The following SRA1 variants were observed in gnomAD, a reference collection of about 807,000 sequenced individuals.
SRA1 encodes the protein lncRNA SRA.
SRA1 carries 25 observed loss-of-function variants against 24.3 expected under a neutral mutation model. The observed-to-expected ratio is 1.03, with a 90% CI of 0.75 to 1.43. The LOEUF (loss-of-function observed/expected upper bound fraction) is 1.43, where lower values mean the gene tolerates loss of function less well. Ranked by LOEUF, SRA1 falls within the 40% of genes most tolerant of loss-of-function variation. The pLI, the probability that SRA1 is intolerant of heterozygous loss-of-function variation, is 0.00. For missense variants in SRA1, 303 were observed against 286.6 expected (o/e 1.06, Z -0.41); for synonymous variants, 104 against 109.5 (o/e 0.95, Z 0.31).
intron 2 of SRA1, among the ~76,000 whole-genome samples, chr5:140,554,563 CTCTTG>C (rs1754642022): frequency 6.7e-6 from 1 of 149,988 alleles, no homozygotes; most frequent in African/African-American, 2.4e-5. Flanking sequence ...ATCCTAGCCT[CTCTTG>C]TCTTCTCTAG....
intron 4 of SRA1, 66 bp downstream of exon 4, chr5:140,550,994 AC>A: frequency 3.2e-6 from 5 of 1,576,808 alleles, no homozygotes; most frequent in Non-Finnish European, 4.4e-6. Flanking sequence ...AAATCTCAGC[AC>A]CTGCTCCAGC....
In SRA1 at chr5:140,551,133, G is replaced by A. The variant is rs1754548021; in HGVS notation, c.391C>T (p.Leu131=). 1 of 1,614,066 alleles carries A rather than the reference G, an allele frequency of 6.2e-7. No individual in the cohort carries two copies. Among genetic ancestry groups the A allele is most frequent in the African/African-American group, 1.3e-5 (1 of 74,916 alleles). The stretch of plus-strand genomic sequence containing the variant: ...CCTCCAGCCCACTGTTCCTGCAGCA[G>A]TGCCAGGCGTCGGCTGATGTCATCA... ...VCDDISRRLA[L]LQEQWAGGKL... is the part of the protein sequence containing the mutation. The change falls in exon 4 of 5, where the codon CTG becomes TTG. Residue 131 remains leucine, a synonymous_variant. Transcript: ENST00000336283.
chr5:140,552,271 C>T (rs1404839967), intron 2 of SRA1, 87 bp from the exon 3 acceptor site: 1 of 988,974 alleles, frequency 1.0e-6, no homozygotes, highest in South Asian at 1.7e-5. Context: ...AAGGGCTACT[C>T]TCTGAGACAA....
chr5:140,551,237 G>A (rs1754552576), intron 3 of SRA1, 68 bp from the exon 4 acceptor site: 2 of 1,246,942 alleles, frequency 1.6e-6, no homozygotes, highest in African/African-American at 1.5e-5. Flanking sequence ...GGGGAAGACA[G>A]CACCACATAG....
At chr5:140,557,112 C>T (rs1282567430) in intron 2 of SRA1, 35 bp downstream of exon 2, 2 of 1,164,218 alleles carry the variant, frequency 1.7e-6, no homozygotes, top group Non-Finnish European at 1.2e-6. Context: ...CCCCCCCATT[C>T]TCCGTCTGTC....
rs548397006 is a variant in SRA1 at position 140,551,902 on chromosome 5, G to A, written c.354+80C>T. On this transcript the variant is annotated intron_variant, in intron 3 of 4. Transcript: ENST00000336283. ...GATTAAGAACCTGTCCACTGGGTCA[G>A]AGGGTCTATCTCTGGGAACCATTCC... is the stretch of plus-strand genomic sequence containing the variant. 5.0e-5 allele frequency: 66 copies of A among 1,325,048 alleles called. No individual in the cohort carries two copies. In the South Asian group the frequency reaches 7.9e-4, roughly 16 times the overall value. 82.1% of individuals were successfully genotyped at this position (1,325,048 alleles called of 1,614,324 possible).
intron 3 of SRA1, chr5:140,551,437 C>A: frequency 2.5e-6 from 1 of 397,644 alleles, no homozygotes. Context: ...GTCTTCCTAA[C>A]CCACCTCCTA....
In SRA1 at chr5:140,551,983, C is replaced by G. The variant is rs776684988; in HGVS notation, c.353G>C (p.Arg118Thr). 2 of 1,613,780 alleles carry G rather than the reference C, an allele frequency of 1.2e-6. No individual in the cohort carries two copies. Among genetic ancestry groups the G allele is most frequent in the Non-Finnish European group, 1.7e-6 (2 of 1,179,806 alleles). The change falls in exon 3 of 5, where the codon AGG becomes ACG. Residue 118 changes from arginine (R) to threonine (T), a missense_variant and splice_region_variant. Coordinates refer to ENST00000336283, the MANE Select transcript of SRA1 (RefSeq NM_001035235.4). ...QALEDCRGHT[R>T]KQVCDDISRR... is the part of the protein sequence containing the mutation. ...AACCTCTGATGTGCCAGAGCTTACC[C>G]TTGTGTGGCCACGGCAGTCTTCCAA...
Position 140,557,178 on chromosome 5 carries a change from C to T in SRA1, c.120G>A (p.Arg40=). The T allele has an allele frequency of 6.2e-7, 1 of 1,613,162 alleles. No individual in the cohort carries two copies. Among genetic ancestry groups the T allele is most frequent in the Non-Finnish European group, 8.5e-7 (1 of 1,179,868 alleles). ...GGPRRSLLTK[R]VAAPQDGSPR... ...GGGATCCATCCTGGGGTGCGGCGAC[C>T]CTCTTGGTAAGCAGCGAGCGCCTGG... Residue 40 remains arginine, a synonymous_variant, in exon 2 of 5, where the codon AGG becomes AGA. Coordinates refer to ENST00000336283, the MANE Select transcript of SRA1 (RefSeq NM_001035235.4).
intron 1 of SRA1, 39 bp from the exon 2 acceptor site, chr5:140,557,311 C>T (rs1259902547): frequency 4.4e-6 from 7 of 1,607,206 alleles, no homozygotes; most frequent in Admixed American, 1.7e-5. Flanking sequence ...GCCCGGAACT[C>T]CACTGTTAGC....
rs139144375 is a variant in SRA1 at position 140,552,081 on chromosome 5, G to A, written c.255C>T (p.Gly85=). 5.6e-6 allele frequency: 9 copies of A among 1,613,898 alleles called. No homozygotes were observed. Among genetic ancestry groups the A allele is most frequent in the South Asian group, 2.2e-5 (2 of 90,990 alleles). The change falls in exon 3 of 5, where the codon GGC becomes GGT. Residue 85 remains glycine (G), a synonymous_variant. Transcript: ENST00000336283. ...SPPVGSGPAS[G]VEPTSFPVES... ...CGACTGGGAAACTTGTGGGCTCCAC[G>A]CCAGAGGCAGGACCACTCCCCACAG...
rs1754530747 is a variant in SRA1, at chr5:140,550,789, G to C, written c.586C>G (p.Leu196Val). ...TCATTGGCTGCCTCCTCTGAAAACA[G>C]ACTCCTCTTTTCTGCAATTAATCTT... ...VKRLIAEKRS[L>V]FSEEAANEEK... Residue 196 changes from leucine to valine, a missense_variant, in exon 5 of 5, where the codon CTG becomes GTG. Transcript: ENST00000336283. 1.2e-6 allele frequency: 2 copies of C among 1,614,044 alleles called. No homozygotes were observed. Among genetic ancestry groups the C allele is most frequent in the South Asian group, 1.1e-5 (1 of 91,088 alleles).
Position 140,557,410 on chromosome 5 carries a change from C to A in SRA1, c.25+18G>T. On this transcript the variant is annotated intron_variant, in intron 1 of 4. Coordinates refer to ENST00000336283, the MANE Select transcript of SRA1 (RefSeq NM_001035235.4). ...CCGGGGCGACAACCTAGTGCCCTAG[C>A]CCGCCGGCTGCGCTCACCCGGCTTC... is the stretch of plus-strand genomic sequence containing the variant. 2 of 1,584,574 alleles carry A rather than the reference C, an allele frequency of 1.3e-6. No individual in the cohort carries two copies. Among genetic ancestry groups the A allele is most frequent in the Non-Finnish European group, 1.7e-6 (2 of 1,167,736 alleles).
intron 1 of SRA1, 49 bp downstream of exon 1, chr5:140,557,379 C>T: frequency 6.2e-7 from 1 of 1,602,548 alleles, no homozygotes; most frequent in South Asian, 1.1e-5. Flanking sequence ...CCGCCCCCAG[C>T]CTAGGCCGGG....
intron 2 of SRA1, among the ~76,000 whole-genome samples, chr5:140,552,560 G>A (rs1446226996): frequency 6.6e-6 from 1 of 152,098 alleles, no homozygotes; most frequent in Non-Finnish European, 1.5e-5. Context: ...GGCTGAGGCA[G>A]GAGAATCGCT....
chr5:140,553,807 G>A (rs1285243869), intron 2 of SRA1, among the ~76,000 whole-genome samples: 1 of 152,164 alleles, frequency 6.6e-6, no homozygotes, highest in Non-Finnish European at 1.5e-5. Flanking sequence ...AGTAGACGAG[G>A]GGAATGGAGT....
At position 140,550,570 on chromosome 5, in the gene SRA1, G is replaced by T; in HGVS notation, c.*130C>A. 1.3e-6 allele frequency: 1 copy of T among 794,628 alleles called. No individual in the cohort carries two copies. Among genetic ancestry groups the T allele is most frequent in the Non-Finnish European group, 2.1e-6 (1 of 465,446 alleles). The allele number at this position is 794,628 out of a possible 1,614,324, so 49.2% of individuals were successfully genotyped here. The stretch of plus-strand genomic sequence containing the variant: ...AACACATGAACTCCCTCTGGCCCAG[G>T]TGGGACTTCTTCCCTCATAGGTGGG... On this transcript the variant is annotated 3_prime_UTR_variant, in exon 5 of 5. Transcript: ENST00000336283.
At chr5:140,553,253 A>C (rs1407490553) in intron 2 of SRA1, among the ~76,000 whole-genome samples, 2 of 151,866 alleles carry the variant, frequency 1.3e-5, no homozygotes, top group Admixed American at 1.3e-4. Context: ...AGGCAGGAGG[A>C]TCGCTTGAGC....
intron 3 of SRA1, 41 bp downstream of exon 3, chr5:140,551,941 G>T: frequency 6.3e-7 from 1 of 1,575,472 alleles, no homozygotes; most frequent in Non-Finnish European, 8.7e-7. Context: ...ATTTGGCTGT[G>T]GATGGGAGCC....
Sources: gnomAD v4.1 joint callset for allele counts (sites outside exome capture counted in the v4.1 genomes callset) on GRCh38, gnomAD v4.1.1 for gene constraint, MANE v1.5 for transcripts, NCBI Gene and HGNC (gene_info 2026-07-23, HGNC 2026-07-21) for gene names.